Variants in RAB1A observed in about 807,000 individuals in gnomAD.
RAB1A encodes the protein ras-related protein Rab-1A.
RAB1A carries 2 observed loss-of-function variants against 26.0 expected under a neutral mutation model. The ratio of observed to expected loss-of-function variants is 0.08; its 90% CI spans 0.03 to 0.24. The LOEUF (loss-of-function observed/expected upper bound fraction) is 0.24, where lower values mean the gene tolerates loss of function less well. Among genes scored for constraint, RAB1A ranks in the 10% least tolerant of loss-of-function variants. The probability of loss-of-function intolerance (pLI) is 1.00; values close to 1 mark genes in which losing one functional copy is unlikely to be tolerated. For missense variants in RAB1A, 100 were observed against 247.0 expected (o/e 0.40, Z 3.99); for synonymous variants, 84 against 84.9 (o/e 0.99, Z 0.06).
intron 1 of RAB1A, among the ~76,000 whole-genome samples, chr2:65,121,590 A>C (rs1368956424): frequency 6.6e-6 from 1 of 152,142 alleles, no homozygotes; most frequent in Non-Finnish European, 1.5e-5. Flanking sequence ...GCTCCTCAGG[A>C]CCATTTTTCC....
At chr2:65,108,841 T>A (rs1669625211) in intron 1 of RAB1A, among the ~76,000 whole-genome samples, 1 of 152,204 alleles carries the variant, frequency 6.6e-6, no homozygotes, top group African/African-American at 2.4e-5. Flanking sequence ...TATGAGTTTC[T>A]AATAATTTAA....
At chr2:65,112,106 C>T (rs886216649) in intron 1 of RAB1A, among the ~76,000 whole-genome samples, 36 of 151,260 alleles carry the variant, frequency 2.4e-4, no homozygotes, top group Non-Finnish European at 3.8e-4. Flanking sequence ...CAAAACAAAA[C>T]GAAAAATGAC....
chr2:65,100,423 A>G (rs1255641247), intron 2 of RAB1A, among the ~76,000 whole-genome samples: 1 of 147,344 alleles, frequency 6.8e-6, no homozygotes, highest in Non-Finnish European at 1.5e-5. Context: ...AAAAAAAAAA[A>G]GTTATGTTGT....
chr2:65,119,554 C>T (rs1036414216), intron 1 of RAB1A, among the ~76,000 whole-genome samples: 6 of 117,580 alleles, frequency 5.1e-5, no homozygotes, highest in African/African-American at 1.7e-4. Flanking sequence ...GAGCTAGACT[C>T]TGTCTCAAAA....
chr2:65,093,883 A>G (rs1669225662), intron 3 of RAB1A, among the ~76,000 whole-genome samples: 1 of 152,036 alleles, frequency 6.6e-6, no homozygotes, highest in African/African-American at 2.4e-5. Flanking sequence ...CTGCCTCCCA[A>G]AGTGCTGGGA....
chr2:65,118,492 T>G (rs1002888488), intron 1 of RAB1A, among the ~76,000 whole-genome samples: 6 of 152,156 alleles, frequency 3.9e-5, no homozygotes, highest in African/African-American at 7.2e-5. Flanking sequence ...TTGTTTGTTT[T>G]TTTGAGACAG....
At chr2:65,089,945 C>T (rs1347016535) in intron 4 of RAB1A, among the ~76,000 whole-genome samples, 6 of 152,156 alleles carry the variant, frequency 3.9e-5, no homozygotes, top group Admixed American at 3.9e-4. Context: ...TCAGGTGATC[C>T]GCCCGCCTCG....
Position 65,125,546 on chromosome 2 carries a change from T to C in RAB1A, c.23+4347A>G, listed in dbSNP as rs180903930. On this transcript the variant is annotated intron_variant, in intron 1 of 5. Coordinates refer to ENST00000409784, the MANE Select transcript of RAB1A (RefSeq NM_004161.5). Reference sequence around the variant, plus strand: ...AAGTGACTCTCCTGCCTCAGGTTCCTGAGTAGCTGGAATTACAGGCGTGCA... The same window carrying C: ...AAGTGACTCTCCTGCCTCAGGTTCCCGAGTAGCTGGAATTACAGGCGTGCA... 2.5e-3 allele frequency among the ~76,000 whole-genome samples: 379 copies of C among 150,492 alleles called. 4 individuals carry two copies. Among genetic ancestry groups the C allele is most frequent in the African/African-American group, 8.8e-3 (360 of 40,822 alleles).
intron 1 of RAB1A, among the ~76,000 whole-genome samples, chr2:65,109,528 AC>A (rs1367146743): frequency 6.6e-6 from 1 of 151,092 alleles, no homozygotes; most frequent in Non-Finnish European, 1.5e-5. Flanking sequence ...ACATGGTGAA[AC>A]CCCGTCTCTA....
Position 65,123,210 on chromosome 2 carries a change from G to A in RAB1A, c.23+6683C>T, listed in dbSNP as rs541122929. ...TTTTGAGACAGAGTCTCGCTCTGTC[G>A]CCCAGGCTGGAGTGCAGTGGCGCGA... On this transcript the variant is annotated intron_variant, in intron 1 of 5. Coordinates refer to ENST00000409784, the MANE Select transcript of RAB1A (RefSeq NM_004161.5). 6.6e-4 allele frequency among the ~76,000 whole-genome samples: 93 copies of A among 141,168 alleles called. 1 individual carries two copies. Among genetic ancestry groups the A allele is most frequent in the Middle Eastern group, 3.9e-3 (1 of 258 alleles). 92.6% of individuals were successfully genotyped at this position (141,168 alleles called of 152,430 possible). A position where few individuals can be genotyped will look rare whatever the true frequency, so the allele number is the denominator to read the frequency against.
intron 1 of RAB1A, among the ~76,000 whole-genome samples, chr2:65,128,686 T>C (rs570610588): frequency 9.9e-5 from 15 of 152,246 alleles, no homozygotes; most frequent in Admixed American, 7.9e-4. Flanking sequence ...TAGGGGAAAA[T>C]GTCTAGCAGT....
At chr2:65,124,509 G>A (rs953181107) in intron 1 of RAB1A, among the ~76,000 whole-genome samples, 2 of 152,046 alleles carry the variant, frequency 1.3e-5, no homozygotes, top group African/African-American at 4.8e-5. Context: ...GTGCAGTGGC[G>A]CAATCTCAGC....
At chr2:65,126,831 AC>A (rs1670112294) in intron 1 of RAB1A, among the ~76,000 whole-genome samples, 1 of 152,190 alleles carries the variant, frequency 6.6e-6, no homozygotes, top group South Asian at 2.1e-4. Flanking sequence ...ACACTAAAGA[AC>A]TTTTCTTTCT....
chr2:65,123,516 T>C (rs901829046), intron 1 of RAB1A, among the ~76,000 whole-genome samples: 6 of 151,962 alleles, frequency 3.9e-5, no homozygotes, highest in Non-Finnish European at 7.4e-5. Flanking sequence ...ATAAAATTAC[T>C]CAGAAAGCAA....
chr2:65,094,031 C>T (rs1318480156), intron 3 of RAB1A, among the ~76,000 whole-genome samples: 1 of 151,604 alleles, frequency 6.6e-6, no homozygotes, highest in Non-Finnish European at 1.5e-5. Flanking sequence ...GTGCAAATGG[C>T]ACAATCTTGG....
At chr2:65,123,900 T>TAA (rs34033066) in intron 1 of RAB1A, among the ~76,000 whole-genome samples, 153 of 148,938 alleles carry the variant, frequency 1.0e-3, no homozygotes, top group Admixed American at 1.1e-3. Flanking sequence ...AAGACAACGT[T>TAA]AAAAAAAAAA....
intron 2 of RAB1A, 41 bp from the exon 3 acceptor site, chr2:65,098,107 T>C (rs753844846): frequency 5.9e-6 from 7 of 1,178,326 alleles, no homozygotes; most frequent in Non-Finnish European, 8.2e-6. Flanking sequence ...TATTGTTCAG[T>C]GGAGCAGATG....
At position 65,087,163 on chromosome 2, in the gene RAB1A, ATG is replaced by A. The variant is rs1310138100; in HGVS notation, c.*1328_*1329del. 2 of 152,386 alleles carry A rather than the reference ATG, an allele frequency of 1.3e-5. No homozygotes were observed. Among genetic ancestry groups the A allele is most frequent in the Non-Finnish European group, 2.9e-5 (2 of 68,042 alleles). 9.4% of individuals were successfully genotyped at this position (152,386 alleles called of 1,614,324 possible). A position where few individuals can be genotyped will look rare whatever the true frequency, so the allele number is the denominator to read the frequency against. On this transcript the variant is annotated 3_prime_UTR_variant, in exon 6 of 6. Transcript: ENST00000409784. ...AACGTTTGACCTCAGTCACCTTAAA[ATG>A]CCAGTGTGGGCAGAAGATTTTTTAT...
At chr2:65,092,029 C>A (rs866324302) in intron 3 of RAB1A, among the ~76,000 whole-genome samples, 25 of 152,314 alleles carry the variant, frequency 1.6e-4, no homozygotes, top group Middle Eastern at 3.4e-3. Flanking sequence ...AATCCCAGCA[C>A]TTTGTGGGGC....
Sources: gnomAD v4.1 joint callset for allele counts (sites outside exome capture counted in the v4.1 genomes callset) on GRCh38, gnomAD v4.1.1 for gene constraint, MANE v1.5 for transcripts, NCBI Gene and HGNC (gene_info 2026-07-23, HGNC 2026-07-21) for gene names.